Variants in ZNF248 observed in about 807,000 individuals in gnomAD.
ZNF248 encodes zinc finger protein 248, also known as KRAB protein domain.
In ZNF248, 20 loss-of-function variants were observed where a neutral mutation model predicts 44.3. The observed-to-expected ratio is 0.45, with a 90% CI of 0.32 to 0.66. ZNF248 has a LOEUF of 0.66. Among genes scored for constraint, ZNF248 ranks in the 30% least tolerant of loss-of-function variants. The pLI, the probability that ZNF248 is intolerant of heterozygous loss-of-function variation, is 0.04. For missense variants in ZNF248, 654 were observed against 677.0 expected, an observed-to-expected ratio of 0.97 and a Z score of 0.38; for synonymous variants, 224 against 229.0, an observed-to-expected ratio of 0.98 and a Z score of 0.20.
chr10:37,813,445 C>G (rs2133443176), intron 6 of ZNF248, among the ~76,000 whole-genome samples: 1 of 152,244 alleles, frequency 6.6e-6, no homozygotes, highest in Admixed American at 6.5e-5. Context: ...CCTTCCATCT[C>G]CTCCACTTCT....
downstream of ZNF248, chr10:37,776,459 A>T (rs2046593362): frequency 2.5e-6 from 1 of 397,052 alleles, no homozygotes; most frequent in South Asian, 1.3e-4. Flanking sequence ...TTTGCTCTGA[A>T]GTTGGGCTGA....
the ZNF248 span, among the ~76,000 whole-genome samples, chr10:37,771,435 T>G: frequency 6.6e-6 from 1 of 152,148 alleles, no homozygotes; most frequent in East Asian, 1.9e-4. Flanking sequence ...TGGAATTCTA[T>G]GCAGCCATAA....
intron 6 of ZNF248, among the ~76,000 whole-genome samples, chr10:37,814,789 G>A (rs912740342): frequency 1.7e-4 from 26 of 152,198 alleles, no homozygotes; most frequent in African/African-American, 6.3e-4. Context: ...TGTATGTTAT[G>A]TATAAGCTGC....
rs2295872 is a variant in ZNF248 at position 37,857,290 on chromosome 10, G to A, written c.-231C>T. 0.13 allele frequency: 19,585 copies of A among 152,444 alleles called. 1,353 individuals carry two copies. The highest frequency in any genetic ancestry group is 0.19 in the Admixed American group (2,980 of 15,288). 9.4% of individuals were successfully genotyped at this position (152,444 alleles called of 1,614,324 possible). A position where few individuals can be genotyped will look rare whatever the true frequency, so the allele number is the denominator to read the frequency against. ...CATAATACATAAGCGAACGCGAAAC[G>A]TGTAAATAATTACTTGGGATAGGAG... is the stretch of plus-strand genomic sequence containing the variant. On this transcript the variant is annotated 5_prime_UTR_variant, in exon 1 of 6. In the 5' UTR this introduces an upstream ATG that the reference lacks. Coordinates refer to ENST00000395867, the MANE Select transcript of ZNF248 (RefSeq NM_021045.3).
intron 6 of ZNF248, among the ~76,000 whole-genome samples, chr10:37,793,496 C>G (rs1053054213): frequency 2.0e-5 from 3 of 152,168 alleles, no homozygotes; most frequent in Admixed American, 6.5e-5. Context: ...GAAAGGGTAT[C>G]AAATATAACA....
intron 6 of ZNF248, among the ~76,000 whole-genome samples, chr10:37,800,272 C>T (rs1004626208): frequency 3.3e-5 from 5 of 152,248 alleles, no homozygotes; most frequent in African/African-American, 7.2e-5. Flanking sequence ...TCCTCTTATC[C>T]TCTACCCTCA....
chr10:37,766,941 A>T, the ZNF248 span, among the ~76,000 whole-genome samples: 74 of 152,356 alleles, frequency 4.9e-4, 1 homozygote, highest in South Asian at 7.9e-3. Context: ...GAGCTGATGG[A>T]GCTGAAAGCC....
At chr10:37,817,933 T>C (rs1029768225) in intron 6 of ZNF248, among the ~76,000 whole-genome samples, 5 of 152,110 alleles carry the variant, frequency 3.3e-5, no homozygotes, top group African/African-American at 1.2e-4. Flanking sequence ...TATTTATTTT[T>C]GAGACGGAGT....
intron 6 of ZNF248, among the ~76,000 whole-genome samples, chr10:37,815,284 C>CA (rs199842496): frequency 0.06 from 9,112 of 152,084 alleles, 349 homozygotes; most frequent in Middle Eastern, 0.095. Flanking sequence ...AGGCTAGTCT[C>CA]AACTCCTAAC....
At chr10:37,840,965 G>A (rs1469254920) in intron 3 of ZNF248, among the ~76,000 whole-genome samples, 2 of 152,118 alleles carry the variant, frequency 1.3e-5, no homozygotes, top group African/African-American at 2.4e-5. Context: ...ACAGCCTCAT[G>A]GCCAAGCTGA....
chr10:37,826,574 T>TA (rs533059302), downstream of ZNF248, among the ~76,000 whole-genome samples: 57 of 152,314 alleles, frequency 3.7e-4, 1 homozygote, highest in East Asian at 9.3e-3. Flanking sequence ...ATAGGAACTT[T>TA]AAAATATTTT....
At chr10:37,772,651 G>T (rs2132734813), downstream of ZNF248, among the ~76,000 whole-genome samples, 1 of 152,304 alleles carries the variant, frequency 6.6e-6, no homozygotes, top group Middle Eastern at 3.4e-3. Flanking sequence ...GGTCACAGTG[G>T]TCTAACACCA....
chr10:37,843,436 A>G (rs553575764), intron 3 of ZNF248, among the ~76,000 whole-genome samples: 65 of 151,504 alleles, frequency 4.3e-4, no homozygotes, highest in African/African-American at 1.5e-3. Flanking sequence ...AAAAAAAAAA[A>G]AAAGAAAAAA....
At chr10:37,805,095 T>C (rs1307577974) in intron 6 of ZNF248, among the ~76,000 whole-genome samples, 1 of 152,210 alleles carries the variant, frequency 6.6e-6, no homozygotes, top group Non-Finnish European at 1.5e-5. Flanking sequence ...GTTGTATTTT[T>C]TGTATTTTCA....
intron 5 of ZNF248, among the ~76,000 whole-genome samples, chr10:37,833,820 T>C (rs760259979): frequency 2.6e-5 from 4 of 152,114 alleles, no homozygotes; most frequent in Non-Finnish European, 5.9e-5. Flanking sequence ...GATGGAGATA[T>C]TCTGAGAGCT....
At chr10:37,797,545 A>T (rs1018728330) in intron 6 of ZNF248, among the ~76,000 whole-genome samples, 2 of 152,176 alleles carry the variant, frequency 1.3e-5, no homozygotes, top group Middle Eastern at 3.2e-3. Flanking sequence ...AGTATTTGTA[A>T]ATTACATATC....
Position 37,856,523 on chromosome 10 carries a change from A to T in ZNF248, c.-116T>A. ...AAATATTTCTTATTGATTTATTACCAATTTAGGTTCTGTGACACAGAAAAA... is the reference window on the plus strand; with the variant it reads ...AAATATTTCTTATTGATTTATTACCTATTTAGGTTCTGTGACACAGAAAAA... On this transcript the variant is annotated 5_prime_UTR_variant, in exon 2 of 6. Coordinates refer to ENST00000395867, the MANE Select transcript of ZNF248 (RefSeq NM_021045.3). 1 of 1,219,636 alleles carries T rather than the reference A, an allele frequency of 8.2e-7. No individual in the cohort carries two copies. The highest frequency in any genetic ancestry group is 1.0e-6 in the Non-Finnish European group (1 of 978,792). The allele number at this position is 1,219,636 out of a possible 1,614,324, so 75.6% of individuals were successfully genotyped here.
the ZNF248 span, among the ~76,000 whole-genome samples, chr10:37,764,538 C>A: frequency 2.0e-5 from 3 of 152,178 alleles, no homozygotes; most frequent in Non-Finnish European, 2.9e-5. Flanking sequence ...TTGAAAATCA[C>A]TAATAAAAAC....
intron 6 of ZNF248, among the ~76,000 whole-genome samples, chr10:37,783,564 A>G (rs2047552279): frequency 6.6e-6 from 1 of 152,244 alleles, no homozygotes; most frequent in Non-Finnish European, 1.5e-5. Context: ...TGTTATCAAG[A>G]AAGTGGAAAG....
Sources: gnomAD v4.1 joint callset for allele counts (sites outside exome capture counted in the v4.1 genomes callset) on GRCh38, gnomAD v4.1.1 for gene constraint, MANE v1.5 for transcripts, NCBI Gene and HGNC (gene_info 2026-07-23, HGNC 2026-07-21) for gene names.